The following TLN1 variants were observed in gnomAD, a reference collection of about 807,000 sequenced individuals.
TLN1 encodes talin 1, also known as talin-1.
TLN1 carries 56 observed loss-of-function variants against 292.3 expected under a neutral mutation model. That is an observed-to-expected ratio of 0.19 (90% CI 0.15 to 0.24). The LOEUF (loss-of-function observed/expected upper bound fraction) is 0.24. Among genes scored for constraint, TLN1 ranks in the 10% least tolerant of loss-of-function variants. TLN1 has a pLI of 1.00. For missense variants in TLN1, 2,433 were observed against 3,248.2 expected, an observed-to-expected ratio of 0.75 and a Z score of 6.10; for synonymous variants, 1,119 against 1,253.7, an observed-to-expected ratio of 0.89 and a Z score of 2.27.
chr9:35,706,925 C>G lies in TLN1; in HGVS notation c.4956-25G>C. ...CCTGCAGACACATCATGGGCTCCAA[C>G]ACCAAGAACATCCCCTACTGCAAGG... On this transcript the variant is annotated intron_variant, in intron 37 of 56. Coordinates refer to ENST00000314888, the MANE Select transcript of TLN1 (RefSeq NM_006289.4). This position sits in a 1 kb window ranked among gnomAD's most constrained non-coding sequence, Gnocchi z 4.2. The G allele has an allele frequency of 6.2e-7, 1 of 1,612,702 alleles. No homozygotes were observed. Among genetic ancestry groups the G allele is most frequent in the South Asian group, 1.1e-5 (1 of 91,002 alleles).
chr9:35,725,498 G>T, intron 2 of TLN1, 67 bp downstream of exon 2: 1 of 1,589,092 alleles, frequency 6.3e-7, no homozygotes, highest in Non-Finnish European at 8.6e-7. Flanking sequence ...AACTCTCAAG[G>T]CCGAGAGCCT....
In TLN1 at chr9:35,706,246, A is replaced by T; in HGVS notation, c.5311T>A (p.Ser1771Thr). The T allele has an allele frequency of 6.2e-7, 1 of 1,612,828 alleles. No individual in the cohort carries two copies. Among genetic ancestry groups the T allele is most frequent in the South Asian group, 1.1e-5 (1 of 90,884 alleles). ...LLDQTKTLAE[S>T]ALQLLYTAKE... ...GCAGTGTATAGCAACTGCAGGGCAG[A>T]CTCTGCCAATGTTTTAGTCTGGTCC... is the stretch of plus-strand genomic sequence containing the variant. Residue 1771 changes from serine (S) to threonine (T), a missense_variant, in exon 40 of 57, where the codon TCT becomes ACT. Transcript: ENST00000314888. This position sits in a 1 kb window ranked among gnomAD's most constrained non-coding sequence, Gnocchi z 4.2.
At chr9:35,712,367 C>T (rs996354522) in intron 27 of TLN1, among the ~76,000 whole-genome samples, 3 of 152,140 alleles carry the variant, frequency 2.0e-5, no homozygotes, top group East Asian at 1.9e-4. Flanking sequence ...CCAAGAGGGC[C>T]GGGCACAGTG....
At chr9:35,712,606 C>T (rs563805825) in intron 27 of TLN1, among the ~76,000 whole-genome samples, 57 of 150,938 alleles carry the variant, frequency 3.8e-4, no homozygotes, top group African/African-American at 1.3e-3. Context: ...CGAAATTGCG[C>T]CATTGCACTC....
intron 29 of TLN1, 33 bp from the exon 30 acceptor site, chr9:35,711,427 T>A (rs746260230): frequency 6.2e-7 from 1 of 1,613,648 alleles, no homozygotes; most frequent in South Asian, 1.1e-5. Context: ...TGCATTGTCC[T>A]GTCCTTTCTT....
At chr9:35,713,361 A>G in intron 25 of TLN1, 63 bp from the exon 26 acceptor site, 1 of 1,368,600 alleles carries the variant, frequency 7.3e-7, no homozygotes, top group Non-Finnish European at 1.0e-6. Context: ...GGAACCTGAG[A>G]AGGTACTTGG....
rs570022146 is a variant in TLN1, at chr9:35,698,910, A to G, written c.7023T>C (p.Phe2341=). The G allele has an allele frequency of 5.0e-6, 8 of 1,614,108 alleles. No individual in the cohort carries two copies. The highest frequency in any genetic ancestry group is 6.8e-6 in the Non-Finnish European group (8 of 1,179,984). ...KPKEADESLN[F]EEQILEAAKS... ...TGGCAGCTTCTAGTATCTGCTCCTC[A>G]AAGTTCAAGGACTCATCTGCCTCCT... The change falls in exon 53 of 57, where the codon TTT becomes TTC. Residue 2341 remains phenylalanine, a synonymous_variant. Transcript: ENST00000314888. The surrounding 1 kb of genome is among the most constrained non-coding windows in gnomAD (Gnocchi z 5.3).
rs1825978673 is a variant in TLN1, at chr9:35,726,363, T to C, written c.-33-636A>G. Among the ~76,000 whole-genome samples the C allele has an allele frequency of 2.0e-5, 3 of 152,200 alleles. No homozygotes were observed. In the South Asian group the frequency reaches 6.2e-4, roughly 31 times the overall value. ...TCATCCAAGTATCTCTCTTGCCCCT[T>C]GTCCCTGATCACCTTTCTCAGCCCT... On this transcript the variant is annotated intron_variant, in intron 1 of 56. Coordinates refer to ENST00000314888, the MANE Select transcript of TLN1 (RefSeq NM_006289.4).
intron 27 of TLN1, 130 bp from the exon 28 acceptor site, chr9:35,712,254 G>C: frequency 7.8e-7 from 1 of 1,282,788 alleles, no homozygotes; most frequent in Non-Finnish European, 1.0e-6. Context: ...CGTTGTAGGT[G>C]AACAGGCTGA....
At position 35,724,836 on chromosome 9, in the gene TLN1, G is replaced by A. The variant is rs780086317; in HGVS notation, c.352C>T (p.Arg118Cys). The A allele has an allele frequency of 2.5e-6, 4 of 1,613,998 alleles. No individual in the cohort carries two copies. The highest frequency in any genetic ancestry group is 1.3e-5 in the African/African-American group (1 of 74,888). The change falls in exon 4 of 57, where the codon CGC (arginine) becomes TGC (cysteine). Residue 118 changes from arginine to cysteine, a missense_variant. Arg to Cys is a radical substitution (Grantham distance 180). This residue lies in a region of TLN1 where 155 missense variants were observed against 287.9 expected (regional missense o/e 0.54). Coordinates refer to ENST00000314888, the MANE Select transcript of TLN1 (RefSeq NM_006289.4). The surrounding 1 kb of genome is among the most constrained non-coding windows in gnomAD (Gnocchi z 4.7). ...CTGTACTAGGGCCCCTTACCAATGC[G>A]GGCACAGATGGTCATGAGCATGTCA... The part of the protein sequence containing the change: ...VTDMLMTICA[R>C]IGITNHDEYS...
Position 35,720,469 on chromosome 9 carries a change from T to C in TLN1, c.1247A>G (p.Glu416Gly), listed in dbSNP as rs765189547. The change falls in exon 12 of 57, where the codon GAG becomes GGG. Residue 416 changes from glutamate to glycine, a missense_variant. Coordinates refer to ENST00000314888, the MANE Select transcript of TLN1 (RefSeq NM_006289.4). Reference protein sequence around the residue: ...KDHFGLEGDEESTMLEDSVSP... With the variant: ...KDHFGLEGDEGSTMLEDSVSP... ...CACTGAGTCCTCCAGCATAGTAGAC[T>C]CCTCATCTCCTTCCAGCCCAAAGTG... 3.1e-6 allele frequency: 5 copies of C among 1,614,150 alleles called. No homozygotes were observed. The highest frequency in any genetic ancestry group is 4.2e-6 in the Non-Finnish European group (5 of 1,180,000).
At chr9:35,718,772 C>T in intron 17 of TLN1, 40 bp downstream of exon 17, 1 of 1,572,210 alleles carries the variant, frequency 6.4e-7, no homozygotes, top group Middle Eastern at 1.7e-4. Flanking sequence ...AAGTTACTTC[C>T]TAGATTCTGG....
At chr9:35,711,916 G>A in intron 28 of TLN1, 89 bp downstream of exon 28, 1 of 1,593,374 alleles carries the variant, frequency 6.3e-7, no homozygotes, top group Non-Finnish European at 8.5e-7. Flanking sequence ...GATCTGGGAA[G>A]TCAGGGTCAA....
intron 34 of TLN1, chr9:35,708,110 G>A (rs1440703860): frequency 4.2e-6 from 3 of 714,318 alleles, no homozygotes; most frequent in African/African-American, 3.6e-5. Flanking sequence ...AACCATAAGA[G>A]GGCATGTGGG....
In TLN1 at chr9:35,698,477, T is replaced by C. The variant is rs1825406364; in HGVS notation, c.7217A>G (p.Asn2406Ser). The change falls in exon 55 of 57, where the codon AAT (asparagine) becomes AGT (serine). Residue 2406 changes from asparagine (N) to serine (S), a missense_variant. Asn to Ser is a conservative substitution (Grantham distance 46, BLOSUM62 1). Around this residue, in one of 7 missense-constraint regions of TLN1, gnomAD observed 141 missense variants for 248.5 expected, o/e 0.57. Coordinates refer to ENST00000314888, the MANE Select transcript of TLN1 (RefSeq NM_006289.4). This position sits in a 1 kb window ranked among gnomAD's most constrained non-coding sequence, Gnocchi z 5.3. ...AGCTGCATTGGCTGCCTCACACAGA[T>C]TGTTGGTGGCCGCAGCCACCATCCG... ...AARMVAAATN[N>S]LCEAANAAVQ... 1 of 1,614,020 alleles carries C rather than the reference T, an allele frequency of 6.2e-7. No individual in the cohort carries two copies. The highest frequency in any genetic ancestry group is 2.2e-5 in the East Asian group (1 of 44,886).
intron 48 of TLN1, among the ~76,000 whole-genome samples, chr9:35,702,925 C>T (rs1456916165): frequency 6.6e-6 from 1 of 152,176 alleles, no homozygotes; most frequent in African/African-American, 2.4e-5. Context: ...GAAGAGGCCA[C>T]TAGTGACTGG....
rs1302668245 is a variant in TLN1, at chr9:35,698,538, C to A, written c.7189-33G>T. On this transcript the variant is annotated intron_variant, in intron 54 of 56. Transcript: ENST00000314888. The surrounding 1 kb of genome is among the most constrained non-coding windows in gnomAD (Gnocchi z 5.3). ...AGGGAGAGTTTGCTTAAAAATATGC[C>A]CCTTGCCCTGGTCCATCCCCACTCC... is the stretch of plus-strand genomic sequence containing the variant. The A allele has an allele frequency of 1.2e-6, 2 of 1,613,724 alleles. No homozygotes were observed. The highest frequency in any genetic ancestry group is 1.7e-6 in the Non-Finnish European group (2 of 1,179,912).
At position 35,705,982 on chromosome 9, in the gene TLN1, T is replaced by C. The variant is rs1180246774; in HGVS notation, c.5491A>G (p.Ile1831Val). Residue 1831 changes from isoleucine to valine, a missense_variant, in exon 41 of 57, where the codon ATC becomes GTC. Around this residue, in one of 7 missense-constraint regions of TLN1, gnomAD observed 1,384 missense variants for 1,699.6 expected, o/e 0.81. Coordinates refer to ENST00000314888, the MANE Select transcript of TLN1 (RefSeq NM_006289.4). ...CTAACCTGGTTGATGGCCTGGGTGA[T>C]GGAGTCCACCATGCCACCCACGACC... ...AGVVGGMVDSITQAINQLDEG... is the reference protein window; with the variant it reads ...AGVVGGMVDSVTQAINQLDEG... 13 of 1,614,212 alleles carry C rather than the reference T, an allele frequency of 8.1e-6. No individual in the cohort carries two copies. The highest frequency in any genetic ancestry group is 1.1e-5 in the South Asian group (1 of 91,088).
At chr9:35,729,969 A>G (rs1349404211) in intron 1 of TLN1, among the ~76,000 whole-genome samples, 4 of 152,126 alleles carry the variant, frequency 2.6e-5, no homozygotes, top group Admixed American at 2.0e-4. Flanking sequence ...GTGTAGAAAA[A>G]GGATGAGAAG....
Sources: gnomAD v4.1 joint callset for allele counts (sites outside exome capture counted in the v4.1 genomes callset) on GRCh38, gnomAD v4.1.1 for gene constraint, gnomAD v4.1.1 regional missense constraint, Gnocchi (gnomAD v3.1) non-coding constraint, MANE v1.5 for transcripts, NCBI Gene and HGNC (gene_info 2026-07-23, HGNC 2026-07-21) for gene names.